The following DGUOK variants were observed in gnomAD, a reference collection of about 807,000 sequenced individuals.
The protein encoded by DGUOK is deoxyguanosine kinase, also known as deoxyguanosine kinase, mitochondrial.
DGUOK carries 30 observed loss-of-function variants against 36.6 expected under a neutral mutation model. The observed-to-expected ratio is 0.82, with a 90% CI of 0.61 to 1.11. The LOEUF is 1.11. Among genes scored for constraint, DGUOK ranks in the 50% most tolerant of loss-of-function variants. The pLI, the probability that DGUOK is intolerant of heterozygous loss-of-function variation, is 0.00. For missense variants in DGUOK, 361 were observed against 336.4 expected (o/e 1.07, Z -0.57); for synonymous variants, 145 against 126.3 (o/e 1.15, Z -0.99).
At chr2:73,950,470 T>A (rs1682625029) in intron 3 of DGUOK, 115 bp from the exon 4 acceptor site, 1 of 1,159,504 alleles carries the variant, frequency 8.6e-7, no homozygotes, top group Non-Finnish European at 1.3e-6. Flanking sequence ...TTAAGTGGTT[T>A]GAACAGACAT....
intron 1 of DGUOK, among the ~76,000 whole-genome samples, chr2:73,934,429 T>C (rs6744909): frequency 0.05 from 7,599 of 152,250 alleles, 528 homozygotes; most frequent in African/African-American, 0.16. Context: ...TAAGTTCTGA[T>C]ACCTTCCAAA....
chr2:73,934,523 C>T (rs187743624), intron 1 of DGUOK, among the ~76,000 whole-genome samples: 1,788 of 152,178 alleles, frequency 0.012, 36 homozygotes, highest in African/African-American at 0.04. Context: ...GAGGCTGAGG[C>T]GGGCAGATCA....
chr2:73,939,867 T>C (rs1476056913), intron 2 of DGUOK, among the ~76,000 whole-genome samples: 1 of 151,948 alleles, frequency 6.6e-6, no homozygotes, highest in Non-Finnish European at 1.5e-5. Flanking sequence ...TAGTTGAAGG[T>C]AATGATTTTC....
At chr2:73,946,321 G>T (rs566784925) in intron 2 of DGUOK, among the ~76,000 whole-genome samples, 2 of 152,268 alleles carry the variant, frequency 1.3e-5, no homozygotes, top group East Asian at 3.9e-4. Context: ...CAAAAGAGAG[G>T]CAACATAGTG....
At chr2:73,950,824 T>G (rs907178845) in intron 4 of DGUOK, 92 bp downstream of exon 4, 9 of 1,537,602 alleles carry the variant, frequency 5.9e-6, no homozygotes, top group African/African-American at 1.4e-5. Context: ...TTGGAGAGAT[T>G]AGAGCGTAGA....
At position 73,953,719 on chromosome 2, in the gene DGUOK, C is replaced by CTTTTT. The variant is rs386390474; in HGVS notation, c.591+3005_591+3009dup. Among the ~76,000 whole-genome samples the CTTTTT allele has an allele frequency of 9.6e-3, 922 of 95,678 alleles. 7 individuals are homozygous for CTTTTT. Among genetic ancestry groups the CTTTTT allele is most frequent in the Non-Finnish European group, 0.014 (711 of 50,804 alleles). 62.8% of individuals were successfully genotyped at this position (95,678 alleles called of 152,430 possible). A position where few individuals can be genotyped will look rare whatever the true frequency, so the allele number is the denominator to read the frequency against. Reference sequence around the variant, plus strand: ...CTTTCTACCTATTCTTCCCTAACTTCTTTTTTTTTTTTTTTTTTTTTTGAG... The same window carrying CTTTTT: ...CTTTCTACCTATTCTTCCCTAACTTCTTTTTTTTTTTTTTTTTTTTTTTTTTTGAG... On this transcript the variant is annotated intron_variant, in intron 4 of 6. Transcript: ENST00000264093.
intron 4 of DGUOK, among the ~76,000 whole-genome samples, chr2:73,953,296 G>A (rs62150596): frequency 0.19 from 6,713 of 35,106 alleles, 492 homozygotes; most frequent in African/African-American, 0.38. Flanking sequence ...CATCATCGTC[G>A]TCGTCGTCGT....
chr2:73,946,824 G>C lies in DGUOK; in HGVS notation c.361G>C (p.Val121Leu), dbSNP rs756158114. 14 of 1,614,018 alleles carry C rather than the reference G, an allele frequency of 8.7e-6. No individual in the cohort carries two copies. In the East Asian group the frequency reaches 3.1e-4, roughly 36 times the overall value. The part of the protein sequence containing the change: ...QTFSFLSRLK[V>L]QLEPFPEKLL... Reference sequence around the variant, plus strand: ...ATTTTCCTTTTTGAGCCGCCTGAAAGTACAGCTGGAGCCCTTCCCTGAGAA... The same window carrying C: ...ATTTTCCTTTTTGAGCCGCCTGAAACTACAGCTGGAGCCCTTCCCTGAGAA... The change falls in exon 3 of 7, where the codon GTA becomes CTA. Residue 121 changes from valine (V) to leucine (L), a missense_variant. Physicochemically the swap from Val to Leu is conservative, Grantham distance 32. Transcript: ENST00000264093.
In DGUOK at chr2:73,958,858, T is replaced by C. The variant is rs1683334716; in HGVS notation, c.*122T>C. The C allele has an allele frequency of 7.3e-6, 6 of 819,202 alleles. No homozygotes were observed. The East Asian group carries it at 1.2e-4, about 17-fold the overall frequency. The allele number at this position is 819,202 out of a possible 1,614,324, so 50.7% of individuals were successfully genotyped here. ...TCTCATCCCTGGAGCACTCTGCCGC[T>C]CAAGAGCTGGTTTGTTAATTATTGT... On this transcript the variant is annotated 3_prime_UTR_variant, in exon 7 of 7. Coordinates refer to ENST00000264093, the MANE Select transcript of DGUOK (RefSeq NM_080916.3).
chr2:73,938,732 TC>T (rs1490390240), intron 1 of DGUOK, among the ~76,000 whole-genome samples, 177 bp from the exon 2 acceptor site: 1 of 152,196 alleles, frequency 6.6e-6, no homozygotes, highest in South Asian at 2.1e-4. Context: ...TTATGGTGGT[TC>T]TGGTTAGCAT....
chr2:73,953,844 G>T (rs973852598), intron 4 of DGUOK, among the ~76,000 whole-genome samples: 1 of 145,678 alleles, frequency 6.9e-6, no homozygotes, highest in Admixed American at 7.2e-5. Flanking sequence ...TCAGCCTCCC[G>T]AGTAGCTGGG....
intron 2 of DGUOK, among the ~76,000 whole-genome samples, chr2:73,945,051 C>G (rs1475457489): frequency 1.3e-5 from 2 of 152,244 alleles, no homozygotes; most frequent in Admixed American, 1.3e-4. Flanking sequence ...CTGCTGAAGC[C>G]TTTCAAAGGG....
rs750131556 is a variant in DGUOK at position 73,950,677 on chromosome 2, A to G, written c.536A>G (p.Glu179Gly). 1.2e-6 allele frequency: 2 copies of G among 1,613,960 alleles called. No individual in the cohort carries two copies. The highest frequency in any genetic ancestry group is 4.5e-5 in the East Asian group (2 of 44,892). Reference sequence around the variant, plus strand: ...GACTGGCATTCTTTTCTCCTGTGGGAGTTTGCCAGCCGGATCACATTACAT... The same window carrying G: ...GACTGGCATTCTTTTCTCCTGTGGGGGTTTGCCAGCCGGATCACATTACAT... Reference protein sequence around the residue: ...YQDWHSFLLWEFASRITLHGF... With the variant: ...YQDWHSFLLWGFASRITLHGF... The change falls in exon 4 of 7, where the codon GAG becomes GGG. Residue 179 changes from glutamate (E) to glycine (G), a missense_variant. Physicochemically the swap from Glu to Gly is moderately conservative, Grantham distance 98. Coordinates refer to ENST00000264093, the MANE Select transcript of DGUOK (RefSeq NM_080916.3).
intron 4 of DGUOK, among the ~76,000 whole-genome samples, chr2:73,952,049 G>A (rs1191180583): frequency 6.6e-6 from 1 of 152,094 alleles, no homozygotes; most frequent in African/African-American, 2.4e-5. Flanking sequence ...GTGTGCCTGT[G>A]GTTTTAGCTA....
At chr2:73,956,224 G>A (rs933956576) in intron 4 of DGUOK, among the ~76,000 whole-genome samples, 4 of 152,198 alleles carry the variant, frequency 2.6e-5, no homozygotes, top group East Asian at 3.8e-4. Context: ...GCAAAGCAGC[G>A]GGGGAGGAGA....
At chr2:73,931,875 T>G (rs1365847619) in intron 1 of DGUOK, among the ~76,000 whole-genome samples, 2 of 152,054 alleles carry the variant, frequency 1.3e-5, no homozygotes, top group Non-Finnish European at 2.9e-5. Flanking sequence ...AAGTGACGGT[T>G]TCAGAGAGAT....
At chr2:73,936,937 A>AAAC (rs1332090714) in intron 1 of DGUOK, among the ~76,000 whole-genome samples, 4 of 152,208 alleles carry the variant, frequency 2.6e-5, no homozygotes, top group Non-Finnish European at 5.9e-5. Context: ...AGGTTCATCT[A>AAAC]AACAGAACCT....
intron 2 of DGUOK, among the ~76,000 whole-genome samples, chr2:73,943,588 T>C (rs186796668): frequency 3.2e-4 from 49 of 152,212 alleles, no homozygotes; most frequent in Middle Eastern, 3.4e-3. Context: ...TAAGATTATA[T>C]GGATTCAGTA....
chr2:73,927,848 G>T (rs11677402), intron 1 of DGUOK, among the ~76,000 whole-genome samples: 20,007 of 152,230 alleles, frequency 0.13, 1,617 homozygotes, highest in Non-Finnish European at 0.18. Flanking sequence ...GCCCCTAAAA[G>T]GGGCTTAGCA....
Sources: allele counts gnomAD v4.1 joint callset (sites outside exome capture counted in the v4.1 genomes callset), GRCh38; gene constraint gnomAD v4.1.1; transcripts MANE v1.5; gene names NCBI Gene and HGNC (gene_info 2026-07-23, HGNC 2026-07-21).